YWHAG: variants seen among roughly 807,000 people sequenced by gnomAD.
The protein encoded by YWHAG is tyrosine 3-monooxygenase/tryptophan 5-monooxygenase activation protein gamma.
A neutral mutation model predicts 23.3 loss-of-function variants in YWHAG; 1 was observed. The ratio of observed to expected loss-of-function variants is 0.04; its 90% CI spans 0.02 to 0.20. The LOEUF is 0.20. Among genes scored for constraint, YWHAG ranks in the 10% least tolerant of loss-of-function variants. YWHAG has a pLI of 1.00. For synonymous variants in YWHAG, 160 were observed against 144.0 expected, an observed-to-expected ratio of 1.11 and a Z score of -0.80; for missense variants, 151 against 338.6, an observed-to-expected ratio of 0.45 and a Z score of 4.35.
rs889043259 is a variant in YWHAG, at chr7:76,347,729, A to G, written c.87+10993T>C. Among the ~76,000 whole-genome samples the G allele has an allele frequency of 2.6e-5, 4 of 152,248 alleles. No individual in the cohort carries two copies. In the East Asian group the frequency reaches 5.8e-4, roughly 22 times the overall value. On this transcript the variant is annotated intron_variant, in intron 1 of 1. Transcript: ENST00000307630. The stretch of plus-strand genomic sequence containing the variant: ...CCAAACTCCAGTTTGCAAATTCCAC[A>G]TAAAACTATATTATTCTGGTTTTTA...
chr7:76,333,446 T>C (rs982561567), intron 1 of YWHAG, among the ~76,000 whole-genome samples: 1 of 152,238 alleles, frequency 6.6e-6, no homozygotes, highest in Non-Finnish European at 1.5e-5. Context: ...CATGAGGAAC[T>C]ACTTTTAAGA....
chr7:76,333,544 C>G (rs1231936250), intron 1 of YWHAG, among the ~76,000 whole-genome samples: 1 of 152,222 alleles, frequency 6.6e-6, no homozygotes, highest in Admixed American at 6.5e-5. Flanking sequence ...CTTCCTGTAT[C>G]GAGTGTCTCT....
At position 76,329,489 on chromosome 7, in the gene YWHAG, T is replaced by TTCCG; in HGVS notation, c.*87_*88insCGGA. 7 of 1,024,224 alleles carry TTCCG rather than the reference T, an allele frequency of 6.8e-6. No homozygotes were observed. The highest frequency in any genetic ancestry group is 8.1e-6 in the Non-Finnish European group (6 of 740,078). The allele number at this position is 1,024,224 out of a possible 1,614,324, so 63.4% of individuals were successfully genotyped here. ...TCCCTGGGAAGGTCATCCCTCCCTT[T>TTCCG]CCCTCCCCCACCCGACCCCCAACTC... is the stretch of plus-strand genomic sequence containing the variant. On this transcript the variant is annotated 3_prime_UTR_variant, in exon 2 of 2. Transcript: ENST00000307630. The surrounding 1 kb of genome is among the most constrained non-coding windows in gnomAD (Gnocchi z 6.1).
chr7:76,347,872 A>C lies in YWHAG; in HGVS notation c.87+10850T>G, dbSNP rs139318840. ...CTCCTGGCAATATCTCTAAGACTCC[A>C]AACAGCAAAACTACAGCACTTACCT... On this transcript the variant is annotated intron_variant, in intron 1 of 1. Transcript: ENST00000307630. Among the ~76,000 whole-genome samples the C allele has an allele frequency of 9.8e-5, 15 of 152,334 alleles. No individual in the cohort carries two copies. The East Asian group carries it at 2.7e-3, about 27-fold the overall frequency.
intron 1 of YWHAG, among the ~76,000 whole-genome samples, chr7:76,344,077 C>G (rs762542403): frequency 6.6e-6 from 1 of 152,104 alleles, no homozygotes; most frequent in Non-Finnish European, 1.5e-5. Flanking sequence ...ACAGATGAAC[C>G]TGGGGATCAG....
At position 76,336,497 on chromosome 7, in the gene YWHAG, C is replaced by T. The variant is rs543749393; in HGVS notation, c.88-6264G>A. Among the ~76,000 whole-genome samples the T allele has an allele frequency of 7.4e-3, 1,106 of 149,716 alleles. 14 individuals carry two copies. Among genetic ancestry groups the T allele is most frequent in the African/African-American group, 0.026 (1,058 of 40,342 alleles). On this transcript the variant is annotated intron_variant, in intron 1 of 1. Coordinates refer to ENST00000307630, the MANE Select transcript of YWHAG (RefSeq NM_012479.4). ...CTGAGACAGAGTTTCACTCTGTCAC[C>T]CAGGCTGGAGTGTGATGGCACGATC...
intron 1 of YWHAG, among the ~76,000 whole-genome samples, chr7:76,348,569 A>G (rs1310446110): frequency 1.3e-5 from 2 of 151,838 alleles, no homozygotes; most frequent in East Asian, 1.9e-4. Context: ...ACGCCCGACT[A>G]ATTTTTTTGT....
rs1387884040 is a variant in YWHAG, at chr7:76,348,368, T to A, written c.87+10354A>T. ...GTCTCCCTGGTTCTAGTGATTCTCA[T>A]GCCTCAGCCTCCAAGCAGCTGGGAC... On this transcript the variant is annotated intron_variant, in intron 1 of 1. Transcript: ENST00000307630. 3.3e-5 allele frequency among the ~76,000 whole-genome samples: 5 copies of A among 150,500 alleles called. No homozygotes were observed. In the East Asian group the frequency reaches 9.9e-4, roughly 30 times the overall value.
At chr7:76,339,191 T>TG (rs1392806407) in intron 1 of YWHAG, among the ~76,000 whole-genome samples, 1 of 152,114 alleles carries the variant, frequency 6.6e-6, no homozygotes, top group African/African-American at 2.4e-5. Flanking sequence ...GGTAATAGGC[T>TG]GGGCGCGGTG....
chr7:76,348,269 T>TTTTTG (rs1025389139), intron 1 of YWHAG, among the ~76,000 whole-genome samples: 4 of 146,618 alleles, frequency 2.7e-5, no homozygotes, highest in African/African-American at 1.0e-4. Flanking sequence ...GACTTCGTTT[T>TTTTTG]TTTTTTTTTT....
intron 1 of YWHAG, among the ~76,000 whole-genome samples, chr7:76,339,573 T>C (rs1583986821): frequency 2.0e-5 from 3 of 152,216 alleles, no homozygotes; most frequent in South Asian, 2.1e-4. Context: ...ACATACAGAA[T>C]ACATTCTATA....
intron 1 of YWHAG, among the ~76,000 whole-genome samples, chr7:76,358,492 C>CGCGCCG (rs909142390): frequency 2.0e-5 from 3 of 152,024 alleles, no homozygotes; most frequent in African/African-American, 7.2e-5. Context: ...GGCCCGCGCC[C>CGCGCCG]GCGCCGGGCC....
chr7:76,354,752 C>G (rs367889729), intron 1 of YWHAG, among the ~76,000 whole-genome samples: 58 of 152,276 alleles, frequency 3.8e-4, no homozygotes, highest in Admixed American at 1.0e-3. Context: ...GGCGGCAAAT[C>G]ACTGATAATA....
At chr7:76,344,141 C>T (rs890844000) in intron 1 of YWHAG, among the ~76,000 whole-genome samples, 3 of 152,038 alleles carry the variant, frequency 2.0e-5, no homozygotes, top group African/African-American at 7.2e-5. Context: ...GACAGAGTCT[C>T]GCTCTGTTGC....
intron 1 of YWHAG, among the ~76,000 whole-genome samples, chr7:76,358,463 C>A (rs954687379): frequency 6.6e-6 from 1 of 152,040 alleles, no homozygotes; most frequent in Non-Finnish European, 1.5e-5. Flanking sequence ...CCAAGTCCAG[C>A]CCCGCGGGAC....
chr7:76,343,891 T>G (rs1199979906), intron 1 of YWHAG, among the ~76,000 whole-genome samples: 1 of 152,194 alleles, frequency 6.6e-6, no homozygotes, highest in Non-Finnish European at 1.5e-5. Flanking sequence ...AACAAATATT[T>G]GTTTGGGGTA....
At chr7:76,351,348 ATTCTCC>A (rs1338138582) in intron 1 of YWHAG, among the ~76,000 whole-genome samples, 1 of 151,690 alleles carries the variant, frequency 6.6e-6, no homozygotes, top group Admixed American at 6.6e-5. Context: ...TGTTGTTCGT[ATTCTCC>A]TCTCCTGTTC....
chr7:76,356,817 T>C (rs1224112776), intron 1 of YWHAG, among the ~76,000 whole-genome samples: 1 of 152,206 alleles, frequency 6.6e-6, no homozygotes, highest in Non-Finnish European at 1.5e-5. Flanking sequence ...TAAGGGTAAA[T>C]GATATCCTTA....
Position 76,346,399 on chromosome 7 carries a change from A to G in YWHAG, c.87+12323T>C, listed in dbSNP as rs145596657. ...CGGCTCCCTCTTGAATGTCAGTTCT[A>G]CCAGGGAAGAGGATATTATATTCTG... On this transcript the variant is annotated intron_variant, in intron 1 of 1. Coordinates refer to ENST00000307630, the MANE Select transcript of YWHAG (RefSeq NM_012479.4). Among the ~76,000 whole-genome samples, 276 of 152,340 alleles carry G rather than the reference A, an allele frequency of 1.8e-3. 1 individual carries two copies. The highest frequency in any genetic ancestry group is 6.5e-3 in the African/African-American group (269 of 41,580).
Sources: gnomAD v4.1 joint callset for allele counts (sites outside exome capture counted in the v4.1 genomes callset) on GRCh38, gnomAD v4.1.1 for gene constraint, Gnocchi (gnomAD v3.1) non-coding constraint, MANE v1.5 for transcripts, NCBI Gene and HGNC (gene_info 2026-07-23, HGNC 2026-07-21) for gene names.